PTPRM: variants seen among roughly 807,000 people sequenced by gnomAD.
PTPRM encodes the protein receptor-type tyrosine-protein phosphatase mu.
Under a neutral mutation model 186.7 loss-of-function variants are expected in PTPRM, and 47 were observed. That is an observed-to-expected ratio of 0.25 (90% confidence interval 0.20 to 0.32). The LOEUF is 0.32. Among genes scored for constraint, PTPRM ranks in the 10% least tolerant of loss-of-function variants. PTPRM has a pLI of 1.00. For synonymous variants in PTPRM, 668 were observed against 674.9 expected (o/e 0.99, Z 0.16); for missense variants, 1,494 against 1,865.0 (o/e 0.80, Z 3.66).
chr18:8,358,876 G>A (rs1000559188), intron 23 of PTPRM, among the ~76,000 whole-genome samples: 1 of 152,138 alleles, frequency 6.6e-6, no homozygotes, highest in African/African-American at 2.4e-5. Flanking sequence ...CATACGAAGG[G>A]AATTTCTGTG....
At chr18:8,203,230 T>TA (rs1459385795) in intron 14 of PTPRM, among the ~76,000 whole-genome samples, 2 of 152,206 alleles carry the variant, frequency 1.3e-5, no homozygotes, top group Non-Finnish European at 2.9e-5. Context: ...ATGTAACTGG[T>TA]ATTGTATACA....
chr18:7,912,783 T>C (rs2050345076), intron 4 of PTPRM, among the ~76,000 whole-genome samples: 1 of 152,128 alleles, frequency 6.6e-6, no homozygotes, highest in Admixed American at 6.6e-5. Context: ...CCTCCCAAAG[T>C]GCTGGGATTA....
At chr18:8,278,715 C>T (rs1342788338) in intron 19 of PTPRM, among the ~76,000 whole-genome samples, 1 of 152,178 alleles carries the variant, frequency 6.6e-6, no homozygotes, top group Non-Finnish European at 1.5e-5. Context: ...CAGAATCTAT[C>T]TCTCACATGT....
At chr18:7,747,187 G>C (rs1325419401) in intron 1 of PTPRM, among the ~76,000 whole-genome samples, 2 of 152,048 alleles carry the variant, frequency 1.3e-5, no homozygotes, top group African/African-American at 4.8e-5. Flanking sequence ...TAACAGTATG[G>C]GACATGTAAG....
rs11369001 is a variant in PTPRM at position 7,694,431 on chromosome 18, CT to C, written c.74-79704del. ...AGGAAACTCCCTTCTTCCTTCCTTC[CT>C]TTTTTTTTTTTTTCGACAGAGTCTC... On this transcript the variant is annotated intron_variant, in intron 1 of 32. Transcript: ENST00000580170. Among the ~76,000 whole-genome samples, 92 of 138,298 alleles carry C rather than the reference CT, an allele frequency of 6.7e-4. 1 individual carries two copies. The highest frequency in any genetic ancestry group is 9.8e-4 in the Non-Finnish European group (64 of 65,396). The allele number at this position is 138,298 out of a possible 152,430, so 90.7% of individuals were successfully genotyped here.
chr18:7,958,158 C>T (rs1243116563), intron 7 of PTPRM, among the ~76,000 whole-genome samples: 3 of 148,978 alleles, frequency 2.0e-5, no homozygotes, highest in Non-Finnish European at 4.4e-5. Context: ...ACAATATCAT[C>T]CATCTTGTAT....
intron 14 of PTPRM, among the ~76,000 whole-genome samples, chr18:8,144,482 C>T (rs935335100): frequency 3.9e-5 from 6 of 152,096 alleles, no homozygotes; most frequent in Admixed American, 6.5e-5. Context: ...ATTTGTTGGG[C>T]GTGGTGGCAC....
Position 7,567,382 on chromosome 18 carries a change from C to CGGGGCTGGGCTT in PTPRM, c.-429_-418dup, listed in dbSNP as rs571415945. On this transcript the variant is annotated 5_prime_UTR_variant, in exon 1 of 33. Coordinates refer to ENST00000580170, the MANE Select transcript of PTPRM (RefSeq NM_001105244.2). The surrounding 1 kb of genome is among the most constrained non-coding windows in gnomAD (Gnocchi z 4.3). ...GCTCGGTCATCGGCGCGCCGCCGCCCGGGGCTGGGCTTGGGGCTGCCTGTG... is the reference window on the plus strand; with the variant it reads ...GCTCGGTCATCGGCGCGCCGCCGCCCGGGGCTGGGCTTGGGGCTGGGCTTGGGGCTGCCTGTG... The CGGGGCTGGGCTT allele has an allele frequency of 0.031, 4,596 of 149,760 alleles. 103 individuals are homozygous for CGGGGCTGGGCTT. The highest frequency in any genetic ancestry group is 0.061 in the Middle Eastern group (18 of 296). The allele number at this position is 149,760 out of a possible 1,614,324, so 9.3% of individuals were successfully genotyped here. A position where few individuals can be genotyped will look rare whatever the true frequency, so the allele number is the denominator to read the frequency against.
rs1236064685 is a variant in PTPRM, at chr18:8,289,510, GTA to G, written c.2755-6856_2755-6855del. 1.1e-4 allele frequency among the ~76,000 whole-genome samples: 11 copies of G among 95,828 alleles called. 1 individual carries two copies. Among genetic ancestry groups the G allele is most frequent in the Non-Finnish European group, 2.2e-4 (11 of 49,622 alleles). 62.9% of individuals were successfully genotyped at this position (95,828 alleles called of 152,430 possible). ...TATACATATATGTATATATGTGTGT[GTA>G]TGTATATATATACATATATATACAC... On this transcript the variant is annotated intron_variant, in intron 19 of 32. Coordinates refer to ENST00000580170, the MANE Select transcript of PTPRM (RefSeq NM_001105244.2).
chr18:7,737,286 G>A (rs1243809665), intron 1 of PTPRM, among the ~76,000 whole-genome samples: 2 of 151,664 alleles, frequency 1.3e-5, no homozygotes, highest in Non-Finnish European at 2.9e-5. Context: ...TAGTGGTGAC[G>A]GGGTTTTACC....
chr18:7,806,156 T>C (rs1024489436), intron 2 of PTPRM, among the ~76,000 whole-genome samples: 1 of 152,146 alleles, frequency 6.6e-6, no homozygotes, highest in Non-Finnish European at 1.5e-5. Context: ...GGCCCTAGCT[T>C]TCCCTTTTCT....
chr18:8,128,931 C>T (rs918363591), intron 13 of PTPRM, among the ~76,000 whole-genome samples: 2 of 152,032 alleles, frequency 1.3e-5, no homozygotes, highest in Non-Finnish European at 2.9e-5. Flanking sequence ...ATATTTTATA[C>T]TGTCTTTTGT....
At chr18:7,732,513 C>CT (rs2040681904) in intron 1 of PTPRM, among the ~76,000 whole-genome samples, 1 of 151,948 alleles carries the variant, frequency 6.6e-6, no homozygotes, top group South Asian at 2.1e-4. Flanking sequence ...AAAAATATTA[C>CT]TTTTTTTAGA....
rs569559986 is a variant in PTPRM at position 7,768,031 on chromosome 18, A to G, written c.74-6118A>G. ...TTACCTATCCTTTTAAAAAGGCTTT[A>G]TTGGGTGTTTATCATGCAGCCTGCT... On this transcript the variant is annotated intron_variant, in intron 1 of 32. Coordinates refer to ENST00000580170, the MANE Select transcript of PTPRM (RefSeq NM_001105244.2). Among the ~76,000 whole-genome samples the G allele has an allele frequency of 6.9e-4, 105 of 152,254 alleles. 1 individual carries two copies. The highest frequency in any genetic ancestry group is 2.9e-4 in the Non-Finnish European group (20 of 68,012).
intron 23 of PTPRM, among the ~76,000 whole-genome samples, chr18:8,349,202 A>G (rs375858758): frequency 6.6e-6 from 1 of 152,262 alleles, no homozygotes; most frequent in African/African-American, 2.4e-5. Context: ...CCCAGGATCA[A>G]TGAGGAAGCA....
At chr18:7,664,399 CA>C in intron 1 of PTPRM, among the ~76,000 whole-genome samples, 1 of 152,212 alleles carries the variant, frequency 6.6e-6, no homozygotes, top group Admixed American at 6.5e-5. Flanking sequence ...GACCACAGAG[CA>C]TTAAACATTG....
chr18:8,262,353 C>T (rs994442551), intron 19 of PTPRM, among the ~76,000 whole-genome samples: 5 of 152,206 alleles, frequency 3.3e-5, no homozygotes, highest in African/African-American at 7.2e-5. Flanking sequence ...AACTATGCCA[C>T]GGATTCTTTC....
chr18:8,237,431 ATTTTTT>A (rs59073560), intron 14 of PTPRM, among the ~76,000 whole-genome samples: 1 of 71,674 alleles, frequency 1.4e-5, no homozygotes, highest in African/African-American at 5.0e-5. Flanking sequence ...GATTCCCTCA[ATTTTTT>A]TTTTTTTTTT....
intron 1 of PTPRM, among the ~76,000 whole-genome samples, chr18:7,681,621 A>G (rs953835329): frequency 2.6e-5 from 4 of 151,020 alleles, no homozygotes; most frequent in African/African-American, 9.7e-5. Context: ...TTTTGTTTGG[A>G]AATGGTTCCC....
Sources: gnomAD v4.1 joint callset for allele counts (sites outside exome capture counted in the v4.1 genomes callset) on GRCh38, gnomAD v4.1.1 for gene constraint, Gnocchi (gnomAD v3.1) non-coding constraint, MANE v1.5 for transcripts, NCBI Gene and HGNC (gene_info 2026-07-23, HGNC 2026-07-21) for gene names.